Variants in PLAG1 observed in about 807,000 individuals in gnomAD.
PLAG1 encodes the protein zinc finger protein PLAG1.
Under a neutral mutation model 35.5 loss-of-function variants are expected in PLAG1, and 7 were observed. That is an observed-to-expected ratio of 0.20 (90% CI 0.11 to 0.37). PLAG1 has a LOEUF of 0.37. PLAG1 is among the 10% of genes least tolerant of loss of function. The probability of loss-of-function intolerance (pLI) is 1.00; values close to 1 mark genes in which losing one functional copy is unlikely to be tolerated. For missense variants in PLAG1, 454 were observed against 602.8 expected, an observed-to-expected ratio of 0.75 and a Z score of 2.58; for synonymous variants, 229 against 225.4, an observed-to-expected ratio of 1.02 and a Z score of -0.14.
At chr8:56,182,328 G>A (rs931858949) in intron 1 of PLAG1, among the ~76,000 whole-genome samples, 1 of 152,072 alleles carries the variant, frequency 6.6e-6, no homozygotes, top group African/African-American at 2.4e-5. Flanking sequence ...GAGGAAGAAA[G>A]ACAATGATAG....
rs1387992530 is a variant in PLAG1, at chr8:56,166,784, A to G, written c.962T>C (p.Met321Thr). ...LPLGMTCPIDMDTVHPSHHLS... is the reference protein window; with the variant it reads ...LPLGMTCPIDTDTVHPSHHLS... ...GTGGTGAGAGGGATGAACAGTGTCC[A>G]TATCTATTGGGCATGTCATTCCCAA... Residue 321 changes from methionine to threonine, a missense_variant, in exon 5 of 5, where the codon ATG becomes ACG. Transcript: ENST00000316981. 4.3e-6 allele frequency: 7 copies of G among 1,613,944 alleles called. No homozygotes were observed. The highest frequency in any genetic ancestry group is 1.7e-5 in the Admixed American group (1 of 59,990).
chr8:56,173,269 T>G, intron 2 of PLAG1, among the ~76,000 whole-genome samples: 1 of 152,124 alleles, frequency 6.6e-6, no homozygotes. Context: ...TCATTTTATT[T>G]TATCCCAAAA....
intron 1 of PLAG1, among the ~76,000 whole-genome samples, chr8:56,182,603 G>A (rs1585796977): frequency 6.6e-6 from 1 of 152,128 alleles, no homozygotes; most frequent in Non-Finnish European, 1.5e-5. Flanking sequence ...GGGGCGGGAG[G>A]GAGTGAGAGA....
intron 2 of PLAG1, among the ~76,000 whole-genome samples, chr8:56,175,780 C>T (rs753462678): frequency 2.3e-4 from 35 of 152,184 alleles, no homozygotes; most frequent in Non-Finnish European, 4.6e-4. Flanking sequence ...TAAGAACCAA[C>T]AGGAAAAAGT....
In PLAG1 at chr8:56,179,458, C is replaced by T; in HGVS notation, c.-266G>A. ...CAAGGCAACCTTATTAATAGACCGTCACAGAATGAAGCATTCTGGGTGCCA... is the reference window on the plus strand; with the variant it reads ...CAAGGCAACCTTATTAATAGACCGTTACAGAATGAAGCATTCTGGGTGCCA... On this transcript the variant is annotated 5_prime_UTR_variant, in exon 2 of 5. Transcript: ENST00000316981. 1.0e-6 allele frequency: 1 copy of T among 980,560 alleles called. No individual in the cohort carries two copies. The highest frequency in any genetic ancestry group is 1.2e-6 in the Non-Finnish European group (1 of 825,132). 60.7% of individuals were successfully genotyped at this position (980,560 alleles called of 1,614,324 possible).
chr8:56,169,540 T>C (rs948099956), intron 3 of PLAG1, among the ~76,000 whole-genome samples: 1 of 152,084 alleles, frequency 6.6e-6, no homozygotes, highest in Admixed American at 6.5e-5. Context: ...AGTTGAGTGA[T>C]GTACTTATTT....
chr8:56,189,110 G>C (rs1312088823), intron 1 of PLAG1, among the ~76,000 whole-genome samples: 1 of 152,188 alleles, frequency 6.6e-6, no homozygotes, highest in African/African-American at 2.4e-5. Flanking sequence ...GGAAACTCAA[G>C]TATGTGCTGA....
At chr8:56,187,102 C>A (rs1218240800) in intron 1 of PLAG1, among the ~76,000 whole-genome samples, 1 of 152,168 alleles carries the variant, frequency 6.6e-6, no homozygotes. Flanking sequence ...CCCATCAATG[C>A]AAAGTCCCAG....
chr8:56,201,960 CTTT>C (rs71555635), intron 1 of PLAG1, among the ~76,000 whole-genome samples: 1 of 136,908 alleles, frequency 7.3e-6, no homozygotes, highest in Non-Finnish European at 1.6e-5. Context: ...TTTTTGGGCT[CTTT>C]TTTTTTTTTT....
rs1485045759 is a variant in PLAG1, at chr8:56,164,344, T to C, written c.*1899A>G. 2 of 218,652 alleles carry C rather than the reference T, an allele frequency of 9.1e-6. No homozygotes were observed. The highest frequency in any genetic ancestry group is 4.5e-5 in the African/African-American group (2 of 44,482). 13.5% of individuals were successfully genotyped at this position (218,652 alleles called of 1,614,324 possible). On this transcript the variant is annotated 3_prime_UTR_variant, in exon 5 of 5. Coordinates refer to ENST00000316981, the MANE Select transcript of PLAG1 (RefSeq NM_002655.3). ...CATGTGTGTGTGTGTGTGTATTATA[T>C]ATATATATTGAAGCCCCCATTTACA... is the stretch of plus-strand genomic sequence containing the variant.
At chr8:56,201,999 A>C (rs531160702) in intron 1 of PLAG1, among the ~76,000 whole-genome samples, 2 of 149,962 alleles carry the variant, frequency 1.3e-5, no homozygotes, top group East Asian at 1.9e-4. Flanking sequence ...AAAACCTTTA[A>C]CTAAAACTTG....
intron 1 of PLAG1, among the ~76,000 whole-genome samples, chr8:56,180,629 GA>G (rs112752232): frequency 6.6e-6 from 1 of 152,154 alleles, no homozygotes; most frequent in African/African-American, 2.4e-5. Flanking sequence ...AATCCATCTT[GA>G]GTTAATTTTT....
At chr8:56,185,597 G>C (rs1811996917) in intron 1 of PLAG1, among the ~76,000 whole-genome samples, 2 of 152,204 alleles carry the variant, frequency 1.3e-5, no homozygotes, top group Admixed American at 1.3e-4. Flanking sequence ...TGGCTTAAAT[G>C]TGAGTTGCAC....
At chr8:56,201,552 A>G (rs1563394463) in intron 1 of PLAG1, among the ~76,000 whole-genome samples, 2 of 152,204 alleles carry the variant, frequency 1.3e-5, no homozygotes, top group Admixed American at 1.3e-4. Context: ...TGAAATCTTC[A>G]TTTTGTAAGA....
At chr8:56,175,278 C>A (rs1185017539) in intron 2 of PLAG1, among the ~76,000 whole-genome samples, 5 of 152,150 alleles carry the variant, frequency 3.3e-5, no homozygotes, top group African/African-American at 9.7e-5. Context: ...GGCTCCCATT[C>A]GTAATAAAAA....
Position 56,165,978 on chromosome 8 carries a change from G to T in PLAG1, c.*265C>A. Reference sequence around the variant, plus strand: ...TTGTAAAAGTTTACTACTAATAATGGCTTTCCTATATGGAAAAAAAAAAGT... The same window carrying T: ...TTGTAAAAGTTTACTACTAATAATGTCTTTCCTATATGGAAAAAAAAAAGT... On this transcript the variant is annotated 3_prime_UTR_variant, in exon 5 of 5. Transcript: ENST00000316981. 4.0e-6 allele frequency: 1 copy of T among 251,856 alleles called. No individual in the cohort carries two copies. 15.6% of individuals were successfully genotyped at this position (251,856 alleles called of 1,614,324 possible).
chr8:56,177,912 G>A (rs182626692), intron 2 of PLAG1: 2 of 240,238 alleles, frequency 8.3e-6, no homozygotes. Flanking sequence ...CCCAGGAGAG[G>A]CGTCACCTGC....
chr8:56,195,716 C>A (rs554263007), intron 1 of PLAG1, among the ~76,000 whole-genome samples: 3 of 152,268 alleles, frequency 2.0e-5, no homozygotes, highest in African/African-American at 7.2e-5. Flanking sequence ...CAGCCCAAAT[C>A]TAAGGAGACA....
chr8:56,196,776 G>A (rs552742232), intron 1 of PLAG1, among the ~76,000 whole-genome samples: 21 of 152,114 alleles, frequency 1.4e-4, no homozygotes, highest in Admixed American at 1.2e-3. Context: ...GCCTCCTGCC[G>A]TGCATAATAC....
Sources: gnomAD v4.1 joint callset for allele counts (sites outside exome capture counted in the v4.1 genomes callset) on GRCh38, gnomAD v4.1.1 for gene constraint, MANE v1.5 for transcripts, NCBI Gene and HGNC (gene_info 2026-07-23, HGNC 2026-07-21) for gene names.